NBEAL1: variants seen among roughly 807,000 people sequenced by gnomAD.
NBEAL1 encodes the protein neurobeachin-like protein 1.
Under a neutral mutation model 351.3 loss-of-function variants are expected in NBEAL1, and 273 were observed. The ratio of observed to expected loss-of-function variants is 0.78; its 90% CI spans 0.70 to 0.86. The LOEUF is 0.86. NBEAL1 is among the 40% of genes least tolerant of loss of function. The pLI, the probability that NBEAL1 is intolerant of heterozygous loss-of-function variation, is 0.00. For missense variants in NBEAL1, 2,961 were observed against 3,201.3 expected, an observed-to-expected ratio of 0.92 and a Z score of 1.81; for synonymous variants, 1,050 against 1,086.4, an observed-to-expected ratio of 0.97 and a Z score of 0.66.
intron 7 of NBEAL1, among the ~76,000 whole-genome samples, chr2:203,069,479 G>A (rs774821945): frequency 2.5e-4 from 38 of 152,242 alleles, no homozygotes; most frequent in Non-Finnish European, 1.5e-4. Flanking sequence ...GCCATCCAAG[G>A]GCTATTCTTT....
intron 3 of NBEAL1, among the ~76,000 whole-genome samples, chr2:203,042,506 G>A (rs571605866): frequency 6.6e-6 from 1 of 151,984 alleles, no homozygotes; most frequent in South Asian, 2.1e-4. Flanking sequence ...TGATTATGTG[G>A]TTGAGCTCAA....
intron 38 of NBEAL1, among the ~76,000 whole-genome samples, chr2:203,167,686 G>A (rs2064178442): frequency 6.6e-6 from 1 of 152,092 alleles, no homozygotes; most frequent in Non-Finnish European, 1.5e-5. Context: ...AAAATAATGA[G>A]GAATCTATTT....
intron 10 of NBEAL1, among the ~76,000 whole-genome samples, chr2:203,095,263 C>T (rs574200985): frequency 2.0e-5 from 3 of 152,142 alleles, no homozygotes; most frequent in East Asian, 3.9e-4. Context: ...TTTAGAAATA[C>T]AGTTACTGGG....
intron 42 of NBEAL1, among the ~76,000 whole-genome samples, chr2:203,178,035 A>T (rs1166319823): frequency 1.3e-5 from 2 of 152,100 alleles, no homozygotes; most frequent in East Asian, 3.9e-4. Flanking sequence ...AAAAAATAAA[A>T]AAGTTAAATA....
chr2:203,189,872 A>G (rs531859920), intron 45 of NBEAL1, among the ~76,000 whole-genome samples: 1 of 151,244 alleles, frequency 6.6e-6, no homozygotes, highest in East Asian at 2.0e-4. Context: ...GTGGTGGCTC[A>G]CGCCTGTAAT....
chr2:203,149,219 G>T, intron 34 of NBEAL1, 71 bp downstream of exon 34: 2 of 1,123,624 alleles, frequency 1.8e-6, no homozygotes, highest in Non-Finnish European at 2.4e-6. Flanking sequence ...TTGAGCAAAT[G>T]CCCCCTTTCA....
chr2:203,138,049 A>G, intron 29 of NBEAL1, 113 bp from the exon 30 acceptor site: 1 of 925,778 alleles, frequency 1.1e-6, no homozygotes, highest in African/African-American at 1.7e-5. Context: ...TGCTAGAGAT[A>G]GTATATCTTT....
chr2:203,057,388 C>G lies in NBEAL1; in HGVS notation c.450C>G (p.Ile150Met), dbSNP rs2061421318. 6 of 1,552,252 alleles carry G rather than the reference C, an allele frequency of 3.9e-6. No individual in the cohort carries two copies. The highest frequency in any genetic ancestry group is 5.2e-6 in the Non-Finnish European group (6 of 1,146,282). ...ADQTCIEEFV[I>M]HALAFCESLY... ...AGACATGTATTGAAGAATTTGTGATCCACGCATTGGCATTTTGTGAAAGCT... is the reference window on the plus strand; with the variant it reads ...AGACATGTATTGAAGAATTTGTGATGCACGCATTGGCATTTTGTGAAAGCT... Residue 150 changes from isoleucine (I) to methionine (M), a missense_variant, in exon 6 of 56, where the codon ATC becomes ATG. Coordinates refer to ENST00000683969, the MANE Select transcript of NBEAL1 (RefSeq NM_001378026.1).
chr2:203,210,817 C>T (rs1324696875), intron 53 of NBEAL1, 141 bp from the exon 54 acceptor site: 1 of 471,682 alleles, frequency 2.1e-6, no homozygotes, highest in African/African-American at 2.0e-5. Context: ...ATTGTCTACA[C>T]ACTTGGTCTT....
In NBEAL1 at chr2:203,107,824, C is replaced by G; in HGVS notation, c.1585C>G (p.His529Asp). ...TAGAATCATTGAAACCCTTGACTTG[C>G]ATTCTTCCCTCCATCAAACTTGTGC... ...GIRIIETLDLHSSLHQTCAEN... is the reference protein window; with the variant it reads ...GIRIIETLDLDSSLHQTCAEN... The change falls in exon 14 of 56, where the codon CAT becomes GAT. Residue 529 changes from histidine to aspartate, a missense_variant. Transcript: ENST00000683969. 6.4e-7 allele frequency: 1 copy of G among 1,554,620 alleles called. No homozygotes were observed. Among genetic ancestry groups the G allele is most frequent in the South Asian group, 1.2e-5 (1 of 84,340 alleles).
chr2:203,203,434 C>T (rs1171963950), intron 51 of NBEAL1, among the ~76,000 whole-genome samples: 1 of 152,132 alleles, frequency 6.6e-6, no homozygotes, highest in Non-Finnish European at 1.5e-5. Context: ...CTTGGCCTCC[C>T]AAAGTGCTGG....
chr2:203,130,445 A>G lies in NBEAL1; in HGVS notation c.3533A>G (p.Tyr1178Cys). The change falls in exon 25 of 56, where the codon TAC becomes TGC. Residue 1178 changes from tyrosine to cysteine, a missense_variant. Coordinates refer to ENST00000683969, the MANE Select transcript of NBEAL1 (RefSeq NM_001378026.1). ...ILYALLLNQK[Y>C]SDRLREIIFK... ...TACGCATTGCTCTTAAATCAGAAGTACTCTGACAGACTAAGAGAAATCATT... is the reference window on the plus strand; with the variant it reads ...TACGCATTGCTCTTAAATCAGAAGTGCTCTGACAGACTAAGAGAAATCATT... 2 of 1,460,992 alleles carry G rather than the reference A, an allele frequency of 1.4e-6. No homozygotes were observed. The highest frequency in any genetic ancestry group is 1.8e-6 in the Non-Finnish European group (2 of 1,112,884). The allele number at this position is 1,460,992 out of a possible 1,614,324, so 90.5% of individuals were successfully genotyped here. A position where few individuals can be genotyped will look rare whatever the true frequency, so the allele number is the denominator to read the frequency against.
chr2:203,201,727 C>CT lies in NBEAL1; in HGVS notation c.7411+19dup. ...CATCCGGCATATGGGTAAGCATTAGCTTTTTTTCCAAAAATGCTCAAAAAT... is the reference window on the plus strand; with the variant it reads ...CATCCGGCATATGGGTAAGCATTAGCTTTTTTTTCCAAAAATGCTCAAAAAT... On this transcript the variant is annotated intron_variant, in intron 50 of 55. Coordinates refer to ENST00000683969, the MANE Select transcript of NBEAL1 (RefSeq NM_001378026.1). The CT allele has an allele frequency of 1.9e-6, 3 of 1,551,006 alleles. No homozygotes were observed. Among genetic ancestry groups the CT allele is most frequent in the Admixed American group, 2.0e-5 (1 of 48,946 alleles).
intron 26 of NBEAL1, among the ~76,000 whole-genome samples, chr2:203,132,471 T>C (rs767298666): frequency 2.0e-5 from 3 of 152,190 alleles, no homozygotes; most frequent in Non-Finnish European, 4.4e-5. Flanking sequence ...TTCTTTGTTG[T>C]TTCTTTTGTT....
rs200316197 is a variant in NBEAL1, at chr2:203,144,664, A to G, written c.4913A>G (p.Asp1638Gly). Residue 1638 changes from aspartate to glycine, a missense_variant, in exon 32 of 56, where the codon GAT becomes GGT. Asp to Gly is a moderately conservative substitution (Grantham distance 94). Coordinates refer to ENST00000683969, the MANE Select transcript of NBEAL1 (RefSeq NM_001378026.1). The stretch of plus-strand genomic sequence containing the variant: ...CAGACCAAAGTGATTGAAAATCAGG[A>G]TGAAGCATGTTACATTTTAGGGAAG... ...LLQTKVIENQDEACYILGKLE... is the reference protein window; with the variant it reads ...LLQTKVIENQGEACYILGKLE... 2.5e-6 allele frequency: 4 copies of G among 1,614,054 alleles called. No homozygotes were observed. The Admixed American group carries it at 5.0e-5, about 20-fold the overall frequency.
rs2062587119 is a variant in NBEAL1 at position 203,112,117 on chromosome 2, C to T, written c.2202+19C>T. 1 of 1,546,260 alleles carries T rather than the reference C, an allele frequency of 6.5e-7. No individual in the cohort carries two copies. The highest frequency in any genetic ancestry group is 1.4e-5 in the African/African-American group (1 of 72,748). ...GAATGAAGTAAGTATATCCAACCTA[C>T]TCTTTACGGGCCCTATTGGTTGAGA... On this transcript the variant is annotated intron_variant, in intron 16 of 55. Coordinates refer to ENST00000683969, the MANE Select transcript of NBEAL1 (RefSeq NM_001378026.1).
chr2:203,032,044 G>A (rs1309284939), intron 2 of NBEAL1, among the ~76,000 whole-genome samples: 16 of 152,226 alleles, frequency 1.1e-4, no homozygotes, highest in African/African-American at 3.1e-4. Flanking sequence ...TGCTTACTCC[G>A]GGGGAATCCA....
intron 3 of NBEAL1, among the ~76,000 whole-genome samples, chr2:203,044,114 T>C (rs1250031324): frequency 1.3e-5 from 2 of 152,074 alleles, no homozygotes; most frequent in Non-Finnish European, 2.9e-5. Context: ...AATCCAGAGA[T>C]GTGGCCAGAG....
chr2:203,078,767 T>C (rs763554360), intron 8 of NBEAL1, among the ~76,000 whole-genome samples: 28 of 152,236 alleles, frequency 1.8e-4, no homozygotes, highest in Non-Finnish European at 3.4e-4. Context: ...TTGTACTTTT[T>C]ATAGCACACG....
Sources: allele counts gnomAD v4.1 joint callset (sites outside exome capture counted in the v4.1 genomes callset), GRCh38; gene constraint gnomAD v4.1.1; transcripts MANE v1.5; gene names NCBI Gene and HGNC (gene_info 2026-07-23, HGNC 2026-07-21).